Variants in USP49 observed in about 807,000 individuals in gnomAD.
USP49 encodes the protein ubiquitin carboxyl-terminal hydrolase 49.
Under a neutral mutation model 58.6 loss-of-function variants are expected in USP49, and 24 were observed. That is an observed-to-expected ratio of 0.41 (90% CI 0.30 to 0.58). The LOEUF is 0.58. Ranked by LOEUF, USP49 falls within the 20% of genes least tolerant of loss-of-function variation. USP49 has a pLI of 0.30. For synonymous variants in USP49, 408 were observed against 365.1 expected (o/e 1.12, Z -1.34); for missense variants, 703 against 866.1 (o/e 0.81, Z 2.36).
Position 41,791,721 on chromosome 6 carries a change from T to C in USP49, c.*4812A>G, listed in dbSNP as rs1772801250. The C allele has an allele frequency of 6.6e-6, 1 of 152,226 alleles. No individual in the cohort carries two copies. Among genetic ancestry groups the C allele is most frequent in the African/African-American group, 2.4e-5 (1 of 41,460 alleles). The allele number at this position is 152,226 out of a possible 1,614,324, so 9.4% of individuals were successfully genotyped here. ...GCCTGCCACAATGCTATAGTAGCTATGGTGTATTTAGTGCAGAGTGTGGGA... is the reference window on the plus strand; with the variant it reads ...GCCTGCCACAATGCTATAGTAGCTACGGTGTATTTAGTGCAGAGTGTGGGA... On this transcript the variant is annotated 3_prime_UTR_variant, in exon 8 of 8. Transcript: ENST00000682992.
chr6:41,830,833 A>G (rs931299080), intron 3 of USP49, among the ~76,000 whole-genome samples: 6 of 151,500 alleles, frequency 4.0e-5, no homozygotes, highest in African/African-American at 1.2e-4. Flanking sequence ...AAGAGAAAAA[A>G]AAAAAATTTA....
chr6:41,880,963 C>T (rs764492084), intron 2 of USP49, among the ~76,000 whole-genome samples: 4 of 151,724 alleles, frequency 2.6e-5, no homozygotes, highest in Admixed American at 6.6e-5. Flanking sequence ...GATGGAGTCT[C>T]GCTCTGTTGC....
intron 3 of USP49, among the ~76,000 whole-genome samples, chr6:41,835,843 G>A (rs1376006301): frequency 5.3e-5 from 8 of 152,118 alleles, no homozygotes; most frequent in African/African-American, 1.9e-4. Flanking sequence ...GGAGGTCAAG[G>A]TGGGAGGATT....
Position 41,791,629 on chromosome 6 carries a change from A to C in USP49, c.*4904T>G, listed in dbSNP as rs1772799464. The C allele has an allele frequency of 6.6e-6, 1 of 152,256 alleles. No homozygotes were observed. The highest frequency in any genetic ancestry group is 1.5e-5 in the Non-Finnish European group (1 of 68,050). 9.4% of individuals were successfully genotyped at this position (152,256 alleles called of 1,614,324 possible). On this transcript the variant is annotated 3_prime_UTR_variant, in exon 8 of 8. Coordinates refer to ENST00000682992, the MANE Select transcript of USP49 (RefSeq NM_001286554.2). Reference sequence around the variant, plus strand: ...CTGGCTAGTTAACACAGTACTATGAAAATCTTTAGCTAGATTTTAAACGAA... The same window carrying C: ...CTGGCTAGTTAACACAGTACTATGACAATCTTTAGCTAGATTTTAAACGAA...
intron 3 of USP49, among the ~76,000 whole-genome samples, chr6:41,866,142 G>C (rs1217082164): frequency 6.6e-6 from 1 of 151,526 alleles, no homozygotes; most frequent in East Asian, 1.9e-4. Context: ...GGATGGTCTC[G>C]ACCTTCTGAC....
intron 2 of USP49, among the ~76,000 whole-genome samples, chr6:41,890,876 A>G (rs1001253155): frequency 3.3e-5 from 5 of 152,244 alleles, no homozygotes; most frequent in South Asian, 2.1e-4. Context: ...CATAGTATAT[A>G]ACAAGTCCAG....
intron 3 of USP49, among the ~76,000 whole-genome samples, chr6:41,863,162 T>C (rs11965174): frequency 0.056 from 8,537 of 152,272 alleles, 422 homozygotes; most frequent in Admixed American, 0.12. Context: ...ATGGCACTCC[T>C]ATTTACCTGT....
intron 3 of USP49, among the ~76,000 whole-genome samples, chr6:41,838,512 A>G (rs1458559853): frequency 1.3e-5 from 2 of 152,234 alleles, no homozygotes; most frequent in Non-Finnish European, 2.9e-5. Context: ...TAGACCCAAA[A>G]GAGCAGTAAT....
chr6:41,867,500 C>A (rs1027015194), intron 3 of USP49, among the ~76,000 whole-genome samples: 2 of 149,988 alleles, frequency 1.3e-5, no homozygotes, highest in African/African-American at 4.9e-5. Context: ...TCCCAGCACT[C>A]TGGGAGGCTG....
intron 2 of USP49, among the ~76,000 whole-genome samples, chr6:41,884,780 G>A (rs1375346854): frequency 1.3e-5 from 2 of 152,070 alleles, no homozygotes; most frequent in Non-Finnish European, 2.9e-5. Flanking sequence ...TTTCAAGTCA[G>A]ATATGTTTTA....
At chr6:41,843,833 C>G (rs1015071219) in intron 3 of USP49, among the ~76,000 whole-genome samples, 3 of 152,228 alleles carry the variant, frequency 2.0e-5, no homozygotes, top group Non-Finnish European at 4.4e-5. Flanking sequence ...CACCTGAGGT[C>G]AGGAGTTCAA....
chr6:41,794,838 A>G lies in USP49; in HGVS notation c.*1695T>C, dbSNP rs1396678460. On this transcript the variant is annotated 3_prime_UTR_variant, in exon 8 of 8. Transcript: ENST00000682992. ...GTGTTGGAAAAAGCAAGTTTAATTTAAAATATAGTCACTCCTTCCCTATCA... is the reference window on the plus strand; with the variant it reads ...GTGTTGGAAAAAGCAAGTTTAATTTGAAATATAGTCACTCCTTCCCTATCA... 1 of 152,234 alleles carries G rather than the reference A, an allele frequency of 6.6e-6. No individual in the cohort carries two copies. The highest frequency in any genetic ancestry group is 1.5e-5 in the Non-Finnish European group (1 of 68,024). 9.4% of individuals were successfully genotyped at this position (152,234 alleles called of 1,614,324 possible). A position where few individuals can be genotyped will look rare whatever the true frequency, so the allele number is the denominator to read the frequency against.
intron 3 of USP49, among the ~76,000 whole-genome samples, chr6:41,811,798 C>T (rs553570326): frequency 2.0e-5 from 3 of 152,164 alleles, no homozygotes; most frequent in Non-Finnish European, 4.4e-5. Context: ...CTTCTTGCTA[C>T]TTAGTACCAA....
chr6:41,820,988 C>A (rs558981069), intron 3 of USP49, among the ~76,000 whole-genome samples: 1 of 151,972 alleles, frequency 6.6e-6, no homozygotes, highest in Admixed American at 6.6e-5. Flanking sequence ...GGCAAGAGAG[C>A]AAGACCCTGT....
intron 3 of USP49, among the ~76,000 whole-genome samples, chr6:41,828,335 G>C (rs1380843632): frequency 1.3e-5 from 2 of 152,110 alleles, no homozygotes; most frequent in Non-Finnish European, 2.9e-5. Flanking sequence ...TGTAGTCCCA[G>C]CTACTTGGGA....
intron 3 of USP49, chr6:41,869,782 A>G (rs1774383147): frequency 6.6e-6 from 1 of 152,148 alleles, no homozygotes; most frequent in Non-Finnish European, 1.5e-5. Flanking sequence ...GAAACACAAC[A>G]CAGCATTTGA....
chr6:41,895,215 T>A (rs1774876884), intron 1 of USP49, 109 bp downstream of exon 1: 1 of 152,182 alleles, frequency 6.6e-6, no homozygotes, highest in Non-Finnish European at 1.5e-5. Context: ...TAGAATGGGC[T>A]CCCTGGCCGT....
intron 3 of USP49, among the ~76,000 whole-genome samples, chr6:41,811,713 G>C (rs570478762): frequency 3.9e-5 from 6 of 152,106 alleles, no homozygotes; most frequent in Admixed American, 6.5e-5. Context: ...AACCATTTTT[G>C]TTGATTTTTC....
intron 6 of USP49, 150 bp from the exon 7 acceptor site, chr6:41,799,079 C>CT (rs1554142575): frequency 5.6e-6 from 2 of 360,198 alleles, no homozygotes; most frequent in Non-Finnish European, 8.6e-6. Context: ...AATGTTCACA[C>CT]TTATTTATTT....
Sources: gnomAD v4.1 joint callset for allele counts (sites outside exome capture counted in the v4.1 genomes callset) on GRCh38, gnomAD v4.1.1 for gene constraint, MANE v1.5 for transcripts, NCBI Gene and HGNC (gene_info 2026-07-23, HGNC 2026-07-21) for gene names.